Variants in CNTN4 observed in about 807,000 individuals in gnomAD.
CNTN4 encodes the protein contactin 4.
CNTN4 carries 77 observed loss-of-function variants against 122.5 expected under a neutral mutation model. The ratio of observed to expected loss-of-function variants is 0.63; its 90% CI spans 0.52 to 0.76. The LOEUF is 0.76. CNTN4 is among the 30% of genes least tolerant of loss of function. The probability of loss-of-function intolerance (pLI) is 0.00; values close to 1 mark genes in which losing one functional copy is unlikely to be tolerated. For missense variants in CNTN4, 1,256 were observed against 1,259.1 expected, an observed-to-expected ratio of 1.00 and a Z score of 0.04; for synonymous variants, 512 against 447.0, an observed-to-expected ratio of 1.15 and a Z score of -1.83.
rs1027902732 is a variant in CNTN4, at chr3:2,604,982, A to G, written c.55+33424A>G. The stretch of plus-strand genomic sequence containing the variant: ...GGGGAGATCTCCAGAACTTATTAAT[A>G]TTTTGCATAACTGTTCTGCTAGGCT... On this transcript the variant is annotated intron_variant, in intron 4 of 24. Transcript: ENST00000418658. Among the ~76,000 whole-genome samples the G allele has an allele frequency of 2.0e-5, 3 of 151,996 alleles. No homozygotes were observed. In the South Asian group the frequency reaches 6.2e-4, roughly 31 times the overall value.
intron 4 of CNTN4, among the ~76,000 whole-genome samples, chr3:2,600,009 T>C (rs1026931452): frequency 3.0e-5 from 1 of 32,798 alleles, no homozygotes; most frequent in Admixed American, 2.5e-4. Flanking sequence ...GGAATTCTTC[T>C]TTTTTTTTTT....
chr3:2,555,147 T>C (rs1184829442), intron 3 of CNTN4, among the ~76,000 whole-genome samples: 1 of 152,246 alleles, frequency 6.6e-6, no homozygotes, highest in Non-Finnish European at 1.5e-5. Context: ...TAGATTGTCA[T>C]ATGCATATCT....
chr3:2,326,547 C>T (rs926212346), intron 2 of CNTN4, among the ~76,000 whole-genome samples: 2 of 151,920 alleles, frequency 1.3e-5, no homozygotes, highest in Non-Finnish European at 2.9e-5. Flanking sequence ...GATTCTGTTT[C>T]TCTGGAGAAC....
At chr3:2,525,044 G>A (rs938693432) in intron 3 of CNTN4, among the ~76,000 whole-genome samples, 7 of 152,158 alleles carry the variant, frequency 4.6e-5, no homozygotes, top group Non-Finnish European at 7.4e-5. Flanking sequence ...AAAATTTAGA[G>A]CCTATCCAAG....
At chr3:2,185,215 C>T (rs756756519) in intron 2 of CNTN4, among the ~76,000 whole-genome samples, 4 of 152,136 alleles carry the variant, frequency 2.6e-5, no homozygotes, top group Non-Finnish European at 5.9e-5. Context: ...AATGACTCAT[C>T]CATTCTCTGA....
At chr3:2,539,229 A>G (rs1247272925) in intron 3 of CNTN4, among the ~76,000 whole-genome samples, 1 of 152,098 alleles carries the variant, frequency 6.6e-6, no homozygotes, top group African/African-American at 2.4e-5. Flanking sequence ...GCAGTATACA[A>G]AACAGTAATG....
In CNTN4 at chr3:2,309,839, A is replaced by G. The variant is rs554436740; in HGVS notation, c.-144-29339A>G. ...AAACCATTTGCCACCTCTGTTTTCC[A>G]CATGTGGAAAGTCTCAGGACCAGCT... On this transcript the variant is annotated intron_variant, in intron 2 of 24. Coordinates refer to ENST00000418658, the MANE Select transcript of CNTN4 (RefSeq NM_175607.3). 9.8e-5 allele frequency among the ~76,000 whole-genome samples: 15 copies of G among 152,298 alleles called. No homozygotes were observed. In the South Asian group the frequency reaches 3.1e-3, roughly 32 times the overall value.
At chr3:2,963,341 G>A (rs2094880838) in intron 13 of CNTN4, among the ~76,000 whole-genome samples, 3 of 151,958 alleles carry the variant, frequency 2.0e-5, no homozygotes, top group African/African-American at 4.8e-5. Flanking sequence ...TTCCTTTACA[G>A]TACCTCATAT....
At chr3:2,282,253 A>G (rs7609922) in intron 2 of CNTN4, among the ~76,000 whole-genome samples, 4,814 of 152,268 alleles carry the variant, frequency 0.032, 185 homozygotes, top group African/African-American at 0.096. Context: ...CTGAAAATGT[A>G]TCAGTGATGA....
chr3:2,533,840 T>G (rs941361870), intron 3 of CNTN4, among the ~76,000 whole-genome samples: 7 of 152,206 alleles, frequency 4.6e-5, no homozygotes, highest in Non-Finnish European at 8.8e-5. Flanking sequence ...TGGTTTTGAT[T>G]TGCATTTCTT....
At chr3:2,774,378 A>G (rs1038076299) in intron 6 of CNTN4, among the ~76,000 whole-genome samples, 1 of 152,006 alleles carries the variant, frequency 6.6e-6, no homozygotes, top group Admixed American at 6.6e-5. Flanking sequence ...TCCTACCGCC[A>G]TTGTTCCTTC....
chr3:2,729,465 A>T (rs1208736772), intron 4 of CNTN4, among the ~76,000 whole-genome samples: 3 of 144,212 alleles, frequency 2.1e-5, no homozygotes, highest in Non-Finnish European at 4.5e-5. Context: ...AATCGCTCAA[A>T]CCTGGGAGGT....
At chr3:2,961,231 CAAA>C (rs59790353) in intron 13 of CNTN4, among the ~76,000 whole-genome samples, 1,605 of 37,180 alleles carry the variant, frequency 0.043, 31 homozygotes, top group Non-Finnish European at 0.059. Flanking sequence ...CTCCATCTCA[CAAA>C]AAAAAAAAAA....
chr3:2,936,061 T>A (rs565657655), intron 13 of CNTN4, among the ~76,000 whole-genome samples: 1 of 152,222 alleles, frequency 6.6e-6, no homozygotes, highest in African/African-American at 2.4e-5. Flanking sequence ...CATGGCAAGC[T>A]AAGAAGCTGG....
intron 14 of CNTN4, 71 bp from the exon 15 acceptor site, chr3:3,026,031 T>TACAATC: frequency 7.1e-7 from 1 of 1,406,318 alleles, no homozygotes; most frequent in South Asian, 1.2e-5. Context: ...GCTCTTGGAG[T>TACAATC]CTACATTGTA....
chr3:2,286,828 G>A (rs375348911), intron 2 of CNTN4, among the ~76,000 whole-genome samples: 2 of 152,120 alleles, frequency 1.3e-5, no homozygotes, highest in South Asian at 2.1e-4. Context: ...CATGAGAAAC[G>A]TTTGAAGAAA....
chr3:2,645,894 C>T (rs1365345405), intron 4 of CNTN4, among the ~76,000 whole-genome samples: 2 of 152,174 alleles, frequency 1.3e-5, no homozygotes, highest in African/African-American at 4.8e-5. Flanking sequence ...CATACATGCA[C>T]AGAAATGAAA....
At chr3:2,778,832 C>G (rs1315216250) in intron 6 of CNTN4, among the ~76,000 whole-genome samples, 1 of 152,142 alleles carries the variant, frequency 6.6e-6, no homozygotes, top group Non-Finnish European at 1.5e-5. Context: ...AATAATTTAT[C>G]TTATGATAAT....
intron 3 of CNTN4, among the ~76,000 whole-genome samples, chr3:2,351,914 G>C (rs1317412154): frequency 6.6e-6 from 1 of 152,096 alleles, no homozygotes; most frequent in Non-Finnish European, 1.5e-5. Flanking sequence ...ATAGCAAGGT[G>C]ACTATAATCA....
Sources: allele counts gnomAD v4.1 joint callset (sites outside exome capture counted in the v4.1 genomes callset), GRCh38; gene constraint gnomAD v4.1.1; transcripts MANE v1.5; gene names NCBI Gene and HGNC (gene_info 2026-07-23, HGNC 2026-07-21).